The following SLIT3 variants were observed in gnomAD, a reference collection of about 807,000 sequenced individuals.
SLIT3 encodes slit homolog 3 protein.
Under a neutral mutation model 184.0 loss-of-function variants are expected in SLIT3, and 68 were observed. That is an observed-to-expected ratio of 0.37 (90% CI 0.30 to 0.45). The LOEUF is 0.45. Ranked by LOEUF, SLIT3 falls within the 20% of genes least tolerant of loss-of-function variation. The pLI is 1.00. For missense variants in SLIT3, 1,707 were observed against 2,026.0 expected, an observed-to-expected ratio of 0.84 and a Z score of 3.02; for synonymous variants, 831 against 828.6, an observed-to-expected ratio of 1.00 and a Z score of -0.05.
At chr5:168,869,431 G>A (rs1227472063) in intron 5 of SLIT3, among the ~76,000 whole-genome samples, 1 of 152,166 alleles carries the variant, frequency 6.6e-6, no homozygotes, top group Non-Finnish European at 1.5e-5. Context: ...GATTAAGGGA[G>A]ATAATAGGTA....
intron 11 of SLIT3, among the ~76,000 whole-genome samples, chr5:168,786,600 C>T (rs756601410): frequency 2.0e-5 from 3 of 151,516 alleles, no homozygotes; most frequent in South Asian, 2.1e-4. Context: ...GTTCCAGGAA[C>T]GCAGGAACTC....
Position 168,862,969 on chromosome 5 carries a change from C to G in SLIT3, c.486-18314G>C, listed in dbSNP as rs548209466. ...GGATTACAGGCATGAGCCGCTGCGC[C>G]CAGACTGAACATTGGGTTTTATCTT... On this transcript the variant is annotated intron_variant, in intron 5 of 35. Coordinates refer to ENST00000519560, the MANE Select transcript of SLIT3 (RefSeq NM_003062.4). Among the ~76,000 whole-genome samples the G allele has an allele frequency of 1.1e-4, 17 of 152,272 alleles. 1 individual carries two copies. In the South Asian group the frequency reaches 3.5e-3, roughly 32 times the overall value.
In SLIT3 at chr5:169,145,731, C is replaced by T. The variant is rs1276680818; in HGVS notation, c.413+47748G>A. ...CAAGTCTCAAAGCTGAAGATGATAA[C>T]ATATCAACAACAACAATAACAGCTA... On this transcript the variant is annotated intron_variant, in intron 4 of 35. Coordinates refer to ENST00000519560, the MANE Select transcript of SLIT3 (RefSeq NM_003062.4). 2.6e-5 allele frequency among the ~76,000 whole-genome samples: 4 copies of T among 152,144 alleles called. No homozygotes were observed. The East Asian group carries it at 5.8e-4, about 22-fold the overall frequency.
intron 35 of SLIT3, among the ~76,000 whole-genome samples, 198 bp downstream of exon 35, chr5:168,669,585 T>A (rs1761171133): frequency 6.6e-6 from 1 of 152,248 alleles, no homozygotes; most frequent in African/African-American, 2.4e-5. Flanking sequence ...TAAGTTGTTA[T>A]GCAGCACTAG....
intron 4 of SLIT3, among the ~76,000 whole-genome samples, chr5:168,901,761 TAA>T: frequency 6.6e-6 from 1 of 152,242 alleles, no homozygotes; most frequent in East Asian, 1.9e-4. Context: ...CTGCTGTATA[TAA>T]AGAGGGCAGG....
Position 168,742,576 on chromosome 5 carries a change from A to C in SLIT3, c.2270+5726T>G. ...ACTCTATGTGGGTAACTCCCAGGGG[A>C]CTGGCCCCAAAATCCACTCAAAAAC... is the stretch of plus-strand genomic sequence containing the variant. On this transcript the variant is annotated intron_variant, in intron 20 of 35. Transcript: ENST00000519560. 1.7e-5 allele frequency among the ~76,000 whole-genome samples: 2 copies of C among 119,284 alleles called. 1 individual carries two copies. The highest frequency in any genetic ancestry group is 3.4e-5 in the Non-Finnish European group (2 of 58,548). The allele number at this position is 119,284 out of a possible 152,430, so 78.3% of individuals were successfully genotyped here.
intron 4 of SLIT3, among the ~76,000 whole-genome samples, chr5:169,007,143 T>C (rs1250083571): frequency 6.6e-6 from 1 of 152,176 alleles, no homozygotes; most frequent in Non-Finnish European, 1.5e-5. Flanking sequence ...CCTGCTCTTC[T>C]CTCTCCTGCC....
chr5:168,697,306 G>C (rs1197225675), intron 27 of SLIT3, among the ~76,000 whole-genome samples: 1 of 152,176 alleles, frequency 6.6e-6, no homozygotes, highest in African/African-American at 2.4e-5. Context: ...CTTGTCTCTA[G>C]AGTGTTAAAT....
At chr5:169,043,013 A>G (rs533243929) in intron 4 of SLIT3, among the ~76,000 whole-genome samples, 2 of 152,198 alleles carry the variant, frequency 1.3e-5, no homozygotes, top group African/African-American at 4.8e-5. Flanking sequence ...ATAGAATGAG[A>G]CATCTTTTGT....
chr5:168,666,825 C>T (rs536174214), intron 35 of SLIT3, 136 bp from the exon 36 acceptor site: 21 of 1,396,384 alleles, frequency 1.5e-5, no homozygotes, highest in Non-Finnish European at 1.8e-5. Context: ...ATCTGCCTAC[C>T]CTCCCCTCCA....
At chr5:168,746,332 TGA>T (rs1193026517) in intron 20 of SLIT3, among the ~76,000 whole-genome samples, 1 of 90,122 alleles carries the variant, frequency 1.1e-5, no homozygotes, top group African/African-American at 5.1e-5. Flanking sequence ...ATGTGGTGTG[TGA>T]GTGTGGTGGT....
chr5:169,076,886 T>C (rs899441396), intron 4 of SLIT3, among the ~76,000 whole-genome samples: 3 of 152,078 alleles, frequency 2.0e-5, no homozygotes, highest in African/African-American at 7.2e-5. Flanking sequence ...TAGGATATAA[T>C]AAAAATATGC....
At chr5:168,919,646 A>T (rs59260029) in intron 4 of SLIT3, among the ~76,000 whole-genome samples, 7,445 of 151,260 alleles carry the variant, frequency 0.049, 212 homozygotes, top group African/African-American at 0.069. Context: ...AATTTTTTTA[A>T]AAAAAAAACA....
In SLIT3 at chr5:168,753,000, G is replaced by A. The variant is rs754452154; in HGVS notation, c.1928C>T (p.Thr643Ile). ...LLSLYDNRIT[T>I]ITPGAFTTLV... ...CGTGGTGAAGGCCCCAGGGGTGATG[G>A]TGGTGATCCGATTGTCATAGAGGGA... Residue 643 changes from threonine to isoleucine, a missense_variant, in exon 18 of 36, where the codon ACC becomes ATC. Around this residue, in one of 3 missense-constraint regions of SLIT3, gnomAD observed 1,307 missense variants for 1,511.6 expected, o/e 0.86. Coordinates refer to ENST00000519560, the MANE Select transcript of SLIT3 (RefSeq NM_003062.4). The A allele has an allele frequency of 6.2e-6, 10 of 1,614,086 alleles. No individual in the cohort carries two copies. Among genetic ancestry groups the A allele is most frequent in the South Asian group, 1.1e-5 (1 of 91,072 alleles).
Position 168,712,318 on chromosome 5 carries a change from T to A in SLIT3, c.2520A>T (p.Glu840Asp), listed in dbSNP as rs779489781. The change falls in exon 24 of 36, where the codon GAA (glutamate) becomes GAT (aspartate). Residue 840 changes from glutamate (E) to aspartate (D), a missense_variant. Glu to Asp is a conservative substitution (Grantham distance 45). Coordinates refer to ENST00000519560, the MANE Select transcript of SLIT3 (RefSeq NM_003062.4). ...GAGATGTGAGGTCGTTGAAGGAGCC[T>A]TCAGGAACGCTGGAAATGTCATTGC... ...LHGNDISSVP[E>D]GSFNDLTSLS... The A allele has an allele frequency of 1.2e-6, 2 of 1,614,170 alleles. No homozygotes were observed. Among genetic ancestry groups the A allele is most frequent in the Admixed American group, 3.3e-5 (2 of 60,030 alleles).
At chr5:168,966,023 A>G (rs1325047535) in intron 4 of SLIT3, among the ~76,000 whole-genome samples, 3 of 152,266 alleles carry the variant, frequency 2.0e-5, no homozygotes, top group African/African-American at 4.8e-5. Context: ...TTAGGCAGTC[A>G]TAATGTGCAG....
chr5:168,806,515 T>C lies in SLIT3; in HGVS notation c.866A>G (p.Asn289Ser), dbSNP rs1368383390. 2 of 1,614,138 alleles carry C rather than the reference T, an allele frequency of 1.2e-6. No individual in the cohort carries two copies. Among genetic ancestry groups the C allele is most frequent in the Non-Finnish European group, 1.7e-6 (2 of 1,180,010 alleles). Reference protein sequence around the residue: ...SCPSPCTCSNNIVDCRGKGLM... With the variant: ...SCPSPCTCSNSIVDCRGKGLM... Reference sequence around the variant, plus strand: ...GCCCTTTCCTCGACAGTCCACGATGTTATTGCTGCACGTGCAGGGCGAAGG... The same window carrying C: ...GCCCTTTCCTCGACAGTCCACGATGCTATTGCTGCACGTGCAGGGCGAAGG... Residue 289 changes from asparagine (N) to serine (S), a missense_variant, in exon 9 of 36, where the codon AAC (asparagine) becomes AGC (serine). Asn to Ser is a conservative substitution (Grantham distance 46). Around this residue, in one of 3 missense-constraint regions of SLIT3, gnomAD observed 1,307 missense variants for 1,511.6 expected, o/e 0.86. Transcript: ENST00000519560.
chr5:168,677,118 G>A (rs187142725), intron 32 of SLIT3, among the ~76,000 whole-genome samples: 2 of 152,298 alleles, frequency 1.3e-5, no homozygotes, highest in East Asian at 1.9e-4. Context: ...AGGTAGGCTC[G>A]AGGTATAGCC....
At chr5:168,845,362 A>G (rs569153090) in intron 5 of SLIT3, among the ~76,000 whole-genome samples, 1 of 152,368 alleles carries the variant, frequency 6.6e-6, no homozygotes, top group East Asian at 1.9e-4. Context: ...ACCAGCCATC[A>G]TCAACATTAA....
Sources: allele counts gnomAD v4.1 joint callset (sites outside exome capture counted in the v4.1 genomes callset), GRCh38; gene constraint gnomAD v4.1.1; regional missense constraint gnomAD v4.1.1; transcripts MANE v1.5; gene names NCBI Gene and HGNC (gene_info 2026-07-23, HGNC 2026-07-21).